Variants in C9orf85 observed in about 807,000 individuals in gnomAD.
C9orf85 encodes chromosome 9 open reading frame 85, also known as uncharacterized protein C9orf85.
A neutral mutation model predicts 14.9 loss-of-function variants in C9orf85; 16 were observed. The observed-to-expected ratio is 1.08, with a 90% CI of 0.73 to 1.63. C9orf85 has a LOEUF of 1.63. Ranked by LOEUF, C9orf85 falls within the 40% of genes most tolerant of loss-of-function variation. The pLI is 0.00. For synonymous variants in C9orf85, 45 were observed against 56.8 expected (o/e 0.79, Z 0.93); for missense variants, 172 against 186.1 (o/e 0.92, Z 0.44).
downstream of C9orf85, chr9:71,984,008 T>G (rs1823157116): frequency 6.6e-6 from 1 of 152,258 alleles, no homozygotes. Flanking sequence ...TGGACCTTCC[T>G]TTAATGATGA....
intron 2 of C9orf85, among the ~76,000 whole-genome samples, chr9:71,957,645 A>G (rs1375610997): frequency 6.6e-6 from 1 of 152,202 alleles, no homozygotes; most frequent in East Asian, 1.9e-4. Flanking sequence ...GATAGTCAAA[A>G]CATAAATGCT....
chr9:71,972,784 A>T lies in C9orf85; in HGVS notation c.416A>T (p.Asp139Val). 6.2e-7 allele frequency: 1 copy of T among 1,610,826 alleles called. No individual in the cohort carries two copies. The highest frequency in any genetic ancestry group is 1.1e-5 in the South Asian group (1 of 90,902). ...RSCRRNEESD[D>V]DLDFDIDLED... The stretch of plus-strand genomic sequence containing the variant: ...TGCAGAAGAAATGAAGAAAGTGATG[A>T]TGATTTAGATTTTGATATTGATTTA... Residue 139 changes from aspartate (D) to valine (V), a missense_variant, in exon 4 of 4, where the codon GAT (aspartate) becomes GTT (valine). By Grantham distance (152) the Asp-to-Val change is radical. Transcript: ENST00000334731.
chr9:71,921,034 A>G (rs1156664544), intron 1 of C9orf85, among the ~76,000 whole-genome samples: 1 of 152,216 alleles, frequency 6.6e-6, no homozygotes, highest in Non-Finnish European at 1.5e-5. Context: ...TAACATTAAA[A>G]TAGAGATCTT....
intron 1 of C9orf85, among the ~76,000 whole-genome samples, chr9:71,928,838 A>AAT (rs1216614671): frequency 3.3e-5 from 5 of 152,200 alleles, no homozygotes; most frequent in Non-Finnish European, 1.5e-5. Context: ...CTTCATTAAG[A>AAT]ATATATATTA....
chr9:71,968,547 T>C lies in C9orf85; in HGVS notation c.210-2958T>C, dbSNP rs1799794269. Among the ~76,000 whole-genome samples the C allele has an allele frequency of 2.6e-5, 4 of 152,332 alleles. No homozygotes were observed. The South Asian group carries it at 8.3e-4, about 32-fold the overall frequency. On this transcript the variant is annotated intron_variant, in intron 2 of 3. Coordinates refer to ENST00000334731, the MANE Select transcript of C9orf85 (RefSeq NM_182505.5). ...TTCTTTCTTTGCAAAACTTTGGCTA[T>C]TTCTACAGAGTTGTTGGGCTTATAT... is the stretch of plus-strand genomic sequence containing the variant.
intron 2 of C9orf85, among the ~76,000 whole-genome samples, chr9:71,955,682 G>A (rs145940044): frequency 5.3e-4 from 80 of 152,224 alleles, no homozygotes; most frequent in African/African-American, 1.5e-3. Context: ...GAAACCTTTA[G>A]GCCAAACTTA....
In C9orf85 at chr9:71,952,509, C is replaced by T. The variant is rs552095051; in HGVS notation, c.209+5397C>T. Among the ~76,000 whole-genome samples, 29 of 152,226 alleles carry T rather than the reference C, an allele frequency of 1.9e-4. No homozygotes were observed. In the East Asian group the frequency reaches 4.3e-3, roughly 22 times the overall value. ...CCTCCCGAGTAGCTGGGACTACAGA[C>T]GCCCACCACCACACCCGGCTAATTT... is the stretch of plus-strand genomic sequence containing the variant. On this transcript the variant is annotated intron_variant, in intron 2 of 3. Coordinates refer to ENST00000334731, the MANE Select transcript of C9orf85 (RefSeq NM_182505.5).
chr9:71,915,204 C>T (rs1451397607), intron 1 of C9orf85, among the ~76,000 whole-genome samples: 1 of 145,588 alleles, frequency 6.9e-6, no homozygotes, highest in African/African-American at 2.6e-5. Context: ...TTTTTTGAGA[C>T]AGAGTCTCGC....
At chr9:71,951,063 T>G (rs1392695158) in intron 2 of C9orf85, among the ~76,000 whole-genome samples, 1 of 152,140 alleles carries the variant, frequency 6.6e-6, no homozygotes, top group Non-Finnish European at 1.5e-5. Context: ...AAACAAAAAT[T>G]TTACTGCGTT....
exon 4 of C9orf85, chr9:71,982,963 G>A (rs1823126854): frequency 6.0e-6 from 1 of 166,300 alleles, no homozygotes; most frequent in Non-Finnish European, 1.3e-5. Context: ...GACTCATGAT[G>A]TTGACTGAGC....
chr9:71,928,705 A>G (rs1380099047), intron 1 of C9orf85, among the ~76,000 whole-genome samples: 4 of 152,222 alleles, frequency 2.6e-5, no homozygotes, highest in Non-Finnish European at 4.4e-5. Context: ...AAATAACAGT[A>G]CCACTTATTT....
chr9:71,982,158 T>C (rs116771787), intron 3 of C9orf85, among the ~76,000 whole-genome samples: 60 of 152,354 alleles, frequency 3.9e-4, no homozygotes, highest in African/African-American at 1.3e-3. Context: ...TATGTAGTCT[T>C]TGAGTCTAGC....
intron 3 of C9orf85, among the ~76,000 whole-genome samples, 160 bp downstream of exon 3, chr9:71,971,778 A>G (rs1822874764): frequency 1.3e-5 from 2 of 152,000 alleles, no homozygotes. Context: ...TCAAGACCAG[A>G]CTGGCCAAGA....
intron 3 of C9orf85, 33 bp downstream of exon 3, chr9:71,971,651 C>A: frequency 7.4e-7 from 1 of 1,359,646 alleles, no homozygotes; most frequent in South Asian, 1.2e-5. Context: ...GAATTTTACT[C>A]TTAGTGATTG....
At chr9:71,968,245 C>A (rs1485455800) in intron 2 of C9orf85, among the ~76,000 whole-genome samples, 2 of 151,846 alleles carry the variant, frequency 1.3e-5, no homozygotes, top group African/African-American at 2.4e-5. Context: ...TAGAAATACT[C>A]ATCTGTCATT....
chr9:71,912,105 G>A, intron 1 of C9orf85: 1 of 457,756 alleles, frequency 2.2e-6, no homozygotes, highest in Non-Finnish European at 4.1e-6. Flanking sequence ...GGTGCAGATG[G>A]GGCAGTTACG....
At chr9:71,944,655 T>C (rs1277705940) in intron 1 of C9orf85, among the ~76,000 whole-genome samples, 1 of 152,154 alleles carries the variant, frequency 6.6e-6, no homozygotes, top group Non-Finnish European at 1.5e-5. Context: ...GCAGAAGGAT[T>C]CCTAGAACTA....
At chr9:71,982,771 G>A (rs1823120965) in exon 4 of C9orf85, 1 of 347,532 alleles carries the variant, frequency 2.9e-6, no homozygotes, top group Non-Finnish European at 5.4e-6. Flanking sequence ...GAGTAGCTGG[G>A]ACTACAGGCG....
chr9:71,980,873 A>G lies in C9orf85; in HGVS notation c.324-1784A>G, dbSNP rs377343934. 1.1e-4 allele frequency among the ~76,000 whole-genome samples: 16 copies of G among 152,324 alleles called. 1 individual carries two copies. Among genetic ancestry groups the G allele is most frequent in the Admixed American group, 5.2e-4 (8 of 15,302 alleles). ...CTGCCAGTGGACAGTGACAAAAACA[A>G]GACTTACTGAAACAAACAAGTGTTT... On this transcript the variant is annotated intron_variant, in intron 3 of 3. Transcript: ENST00000377031.
Sources: gnomAD v4.1 joint callset for allele counts (sites outside exome capture counted in the v4.1 genomes callset) on GRCh38, gnomAD v4.1.1 for gene constraint, MANE v1.5 for transcripts, NCBI Gene and HGNC (gene_info 2026-07-23, HGNC 2026-07-21) for gene names.